BRINP1: variants seen among roughly 807,000 people sequenced by gnomAD.
The protein encoded by BRINP1 is BMP/retinoic acid inducible neural specific 1, also known as BMP/retinoic acid-inducible neural-specific protein 1.
BRINP1 carries 17 observed loss-of-function variants against 72.9 expected under a neutral mutation model. That is an observed-to-expected ratio of 0.23 (90% CI 0.16 to 0.35). The LOEUF (loss-of-function observed/expected upper bound fraction) is 0.35, where lower values mean the gene tolerates loss of function less well. Among genes scored for constraint, BRINP1 ranks in the 10% least tolerant of loss-of-function variants. BRINP1 has a pLI of 1.00. For synonymous variants in BRINP1, 418 were observed against 378.5 expected (o/e 1.10, Z -1.21); for missense variants, 850 against 1,001.6 (o/e 0.85, Z 2.04).
At chr9:119,343,112 T>A (rs925970345) in intron 1 of BRINP1, among the ~76,000 whole-genome samples, 4 of 152,184 alleles carry the variant, frequency 2.6e-5, no homozygotes, top group Admixed American at 2.6e-4. Flanking sequence ...TAGAACATAG[T>A]GTCAAGCTGA....
intron 1 of BRINP1, among the ~76,000 whole-genome samples, chr9:119,330,879 C>A (rs1307087094): frequency 2.0e-5 from 3 of 151,918 alleles, no homozygotes; most frequent in African/African-American, 7.3e-5. Context: ...TACAAAAAAT[C>A]AGCCAGGCAT....
intron 7 of BRINP1, among the ~76,000 whole-genome samples, chr9:119,177,460 T>C (rs1184075762): frequency 2.6e-5 from 4 of 152,212 alleles, no homozygotes. Context: ...CGTGGTTCCA[T>C]CTGACGAGAG....
At chr9:119,215,863 C>T (rs1000296965) in intron 5 of BRINP1, among the ~76,000 whole-genome samples, 8 of 151,788 alleles carry the variant, frequency 5.3e-5, no homozygotes, top group Admixed American at 3.3e-4. Flanking sequence ...CTGCACTGCA[C>T]GGTGTGGTCA....
At chr9:119,178,470 GA>G (rs1422752095) in intron 7 of BRINP1, among the ~76,000 whole-genome samples, 1 of 152,154 alleles carries the variant, frequency 6.6e-6, no homozygotes, top group Non-Finnish European at 1.5e-5. Flanking sequence ...CAATAATGAG[GA>G]AAAACCCTCA....
chr9:119,225,185 T>C (rs576737520), intron 5 of BRINP1, among the ~76,000 whole-genome samples: 1 of 152,156 alleles, frequency 6.6e-6, no homozygotes, highest in South Asian at 2.1e-4. Context: ...ATGTATACAA[T>C]GAAGTATTAA....
chr9:119,299,612 CAAAA>C (rs758236349), intron 2 of BRINP1, among the ~76,000 whole-genome samples: 4 of 57,158 alleles, frequency 7.0e-5, no homozygotes, highest in African/African-American at 6.7e-5. Context: ...GACTCCGTCT[CAAAA>C]AAAAAAAAAA....
intron 2 of BRINP1, among the ~76,000 whole-genome samples, chr9:119,261,762 C>A (rs1358752463): frequency 1.3e-5 from 2 of 150,942 alleles, no homozygotes; most frequent in African/African-American, 4.9e-5. Flanking sequence ...TTCTTTCTTT[C>A]TCTCTTCCTT....
At chr9:119,287,023 G>A (rs1323664352) in intron 2 of BRINP1, among the ~76,000 whole-genome samples, 1 of 148,950 alleles carries the variant, frequency 6.7e-6, no homozygotes, top group East Asian at 2.0e-4. Flanking sequence ...TCACCTTGAG[G>A]AATCAAAGGT....
intron 2 of BRINP1, among the ~76,000 whole-genome samples, chr9:119,253,703 A>G (rs1198471477): frequency 6.6e-6 from 1 of 152,174 alleles, no homozygotes; most frequent in Non-Finnish European, 1.5e-5. Flanking sequence ...AAGAACAATG[A>G]GCTCCATGTG....
chr9:119,226,614 T>C (rs1588170208), intron 5 of BRINP1, among the ~76,000 whole-genome samples: 1 of 152,010 alleles, frequency 6.6e-6, no homozygotes, highest in Non-Finnish European at 1.5e-5. Flanking sequence ...AGCAGCTCTT[T>C]TTACAGTCAT....
At chr9:119,245,816 A>G (rs1414273673) in intron 3 of BRINP1, among the ~76,000 whole-genome samples, 2 of 152,230 alleles carry the variant, frequency 1.3e-5, no homozygotes, top group Non-Finnish European at 2.9e-5. Flanking sequence ...CTCAATGAAC[A>G]CAGTGGTCTT....
chr9:119,308,294 T>G (rs1264254482), intron 2 of BRINP1, among the ~76,000 whole-genome samples: 1 of 152,220 alleles, frequency 6.6e-6, no homozygotes, highest in African/African-American at 2.4e-5. Context: ...GCTCTTTTAC[T>G]GCATGATATC....
intron 2 of BRINP1, among the ~76,000 whole-genome samples, chr9:119,288,105 G>A (rs1830784929): frequency 6.6e-6 from 1 of 152,180 alleles, no homozygotes; most frequent in South Asian, 2.1e-4. Flanking sequence ...ATTACAGGAT[G>A]GGAACAGATG....
chr9:119,314,155 T>G (rs1831101092), intron 1 of BRINP1, among the ~76,000 whole-genome samples: 1 of 152,194 alleles, frequency 6.6e-6, no homozygotes, highest in Non-Finnish European at 1.5e-5. Context: ...CCTCAAAGGT[T>G]GCCCAGGGTT....
At position 119,209,011 on chromosome 9, in the gene BRINP1, C is replaced by T. The variant is rs1219679601; in HGVS notation, c.923-70G>A. ...CACCCATCTAAAGTGGCCTTGAATGCTTAGTGTCACTTTCCAATAAACCAG... is the reference window on the plus strand; with the variant it reads ...CACCCATCTAAAGTGGCCTTGAATGTTTAGTGTCACTTTCCAATAAACCAG... On this transcript the variant is annotated intron_variant, in intron 6 of 7. Coordinates refer to ENST00000265922, the MANE Select transcript of BRINP1 (RefSeq NM_014618.3). The T allele has an allele frequency of 3.2e-6, 4 of 1,249,472 alleles. No homozygotes were observed. In the East Asian group the frequency reaches 7.0e-5, roughly 22 times the overall value. 77.4% of individuals were successfully genotyped at this position (1,249,472 alleles called of 1,614,324 possible).
intron 1 of BRINP1, among the ~76,000 whole-genome samples, chr9:119,334,333 C>T (rs149865522): frequency 4.3e-4 from 65 of 152,296 alleles, no homozygotes; most frequent in Non-Finnish European, 7.3e-4. Context: ...TCGGTTTTCA[C>T]AACACCGTGT....
intron 5 of BRINP1, among the ~76,000 whole-genome samples, chr9:119,233,047 C>A (rs1236914066): frequency 6.7e-6 from 1 of 148,884 alleles, no homozygotes; most frequent in African/African-American, 2.5e-5. Flanking sequence ...TTTTGCTTTA[C>A]GTTTGCCTTG....
chr9:119,233,919 G>T lies in BRINP1; in HGVS notation c.685+4736C>A, dbSNP rs548931333. 2.0e-5 allele frequency among the ~76,000 whole-genome samples: 3 copies of T among 152,112 alleles called. No individual in the cohort carries two copies. The East Asian group carries it at 5.8e-4, about 29-fold the overall frequency. On this transcript the variant is annotated intron_variant, in intron 5 of 7. Transcript: ENST00000265922. ...GCCTGTACTCATTTACGTCTAACTT[G>T]TTTCACTCAATGCTGTGTTTGTAAG...
intron 2 of BRINP1, among the ~76,000 whole-genome samples, chr9:119,255,421 G>A (rs1036846159): frequency 2.0e-4 from 30 of 152,246 alleles, no homozygotes; most frequent in African/African-American, 7.0e-4. Flanking sequence ...CCAGAGGTGG[G>A]AGGGCAGATG....
Sources: allele counts gnomAD v4.1 joint callset (sites outside exome capture counted in the v4.1 genomes callset), GRCh38; gene constraint gnomAD v4.1.1; transcripts MANE v1.5; gene names NCBI Gene and HGNC (gene_info 2026-07-23, HGNC 2026-07-21).